PACRG: variants seen among roughly 807,000 people sequenced by gnomAD.
PACRG encodes parkin coregulated, also known as parkin coregulated gene protein.
A neutral mutation model predicts 29.7 loss-of-function variants in PACRG; 29 were observed. The observed-to-expected ratio is 0.98, with a 90% CI of 0.73 to 1.33. The LOEUF (loss-of-function observed/expected upper bound fraction) is 1.33. PACRG is among the 40% of genes most tolerant of loss of function. The pLI, the probability that PACRG is intolerant of heterozygous loss-of-function variation, is 0.00. For missense variants in PACRG, 279 were observed against 316.2 expected, an observed-to-expected ratio of 0.88 and a Z score of 0.89; for synonymous variants, 116 against 118.7, an observed-to-expected ratio of 0.98 and a Z score of 0.15.
intron 2 of PACRG, among the ~76,000 whole-genome samples, chr6:162,947,595 C>CATATATATAATCAT (rs1799253388): frequency 3.6e-5 from 1 of 27,988 alleles, no homozygotes; most frequent in Non-Finnish European, 7.1e-5. Context: ...TATATATAAT[C>CATATATATAATCAT]ATATATATAT....
At chr6:163,210,492 G>T (rs1240681568) in intron 4 of PACRG, among the ~76,000 whole-genome samples, 1 of 152,228 alleles carries the variant, frequency 6.6e-6, no homozygotes, top group Non-Finnish European at 1.5e-5. Flanking sequence ...CATGGCCTTA[G>T]AAGGTGGAGC....
chr6:163,004,309 T>C (rs1166175201), intron 2 of PACRG, among the ~76,000 whole-genome samples: 1 of 151,726 alleles, frequency 6.6e-6, no homozygotes, highest in Admixed American at 6.6e-5. Context: ...ATTAGTTTGT[T>C]TTCATACTGC....
intron 2 of PACRG, among the ~76,000 whole-genome samples, chr6:162,987,080 G>A (rs976413714): frequency 6.6e-6 from 1 of 152,000 alleles, no homozygotes; most frequent in African/African-American, 2.4e-5. Flanking sequence ...CCTTTTGGTG[G>A]TGTTATAGAG....
At chr6:162,989,288 A>C (rs1803197606) in intron 2 of PACRG, among the ~76,000 whole-genome samples, 1 of 152,206 alleles carries the variant, frequency 6.6e-6, no homozygotes, top group African/African-American at 2.4e-5. Context: ...AAACTTCCTA[A>C]GTTTGATATT....
In PACRG at chr6:162,926,606, G is replaced by A. The variant is rs559994913; in HGVS notation, c.291+112325G>A. ...GTGAGAGAACTGGCTAACCATATGCGGAAAACTGAAACTGGGTCCCTTCCT... is the reference window on the plus strand; with the variant it reads ...GTGAGAGAACTGGCTAACCATATGCAGAAAACTGAAACTGGGTCCCTTCCT... On this transcript the variant is annotated intron_variant, in intron 2 of 4. Transcript: ENST00000366888. 3.9e-4 allele frequency among the ~76,000 whole-genome samples: 60 copies of A among 151,998 alleles called. 1 individual carries two copies. The highest frequency in any genetic ancestry group is 3.4e-3 in the Middle Eastern group (1 of 294).
chr6:162,969,318 C>T (rs1801330559), intron 2 of PACRG, among the ~76,000 whole-genome samples: 1 of 152,090 alleles, frequency 6.6e-6, no homozygotes, highest in Non-Finnish European at 1.5e-5. Context: ...TGGTGAGAAC[C>T]TTTGATGTTA....
At chr6:163,100,491 G>A (rs548570550) in intron 4 of PACRG, among the ~76,000 whole-genome samples, 12 of 152,242 alleles carry the variant, frequency 7.9e-5, no homozygotes, top group Admixed American at 1.3e-4. Context: ...CACAGCCACC[G>A]CGCCCTCCAA....
intron 1 of PACRG, among the ~76,000 whole-genome samples, chr6:162,771,294 T>C (rs1783198642): frequency 1.3e-5 from 2 of 152,188 alleles, no homozygotes; most frequent in Admixed American, 6.5e-5. Context: ...ATATTTAAAC[T>C]TTTGATGATC....
intron 4 of PACRG, among the ~76,000 whole-genome samples, chr6:163,137,562 C>G (rs1210035541): frequency 2.0e-5 from 3 of 152,164 alleles, no homozygotes; most frequent in Admixed American, 2.0e-4. Flanking sequence ...CTCCATCCCC[C>G]CAAACCTCCC....
intron 1 of PACRG, among the ~76,000 whole-genome samples, chr6:162,749,202 G>T (rs1390366835): frequency 6.6e-6 from 1 of 152,140 alleles, no homozygotes; most frequent in Non-Finnish European, 1.5e-5. Context: ...GTGCATGATT[G>T]TTAAAAACAA....
In PACRG at chr6:163,002,943, T is replaced by C. The variant is rs537841362; in HGVS notation, c.292-59207T>C. ...AATTATTTTTTGAGACTCTCAAATA[T>C]TGAGAATTTTCATGTCCAAATTTCT... On this transcript the variant is annotated intron_variant, in intron 2 of 4. Coordinates refer to ENST00000366888, the MANE Select transcript of PACRG (RefSeq NM_001080379.2). Among the ~76,000 whole-genome samples, 18 of 152,302 alleles carry C rather than the reference T, an allele frequency of 1.2e-4. No homozygotes were observed. In the South Asian group the frequency reaches 1.9e-3, roughly 16 times the overall value.
intron 2 of PACRG, among the ~76,000 whole-genome samples, chr6:162,979,054 C>T (rs1407983663): frequency 1.3e-5 from 2 of 152,054 alleles, no homozygotes; most frequent in South Asian, 2.1e-4. Flanking sequence ...AACATATATT[C>T]GTTATATAGG....
chr6:163,221,682 G>C (rs1781585887), intron 4 of PACRG, among the ~76,000 whole-genome samples: 1 of 152,222 alleles, frequency 6.6e-6, no homozygotes. Flanking sequence ...GAATGCCAAA[G>C]ATGTGTTGTG....
intron 2 of PACRG, among the ~76,000 whole-genome samples, chr6:162,958,006 A>C (rs780680967): frequency 6.6e-6 from 1 of 152,224 alleles, no homozygotes; most frequent in Non-Finnish European, 1.5e-5. Context: ...CTAATGATAT[A>C]AAACATGCTT....
intron 4 of PACRG, among the ~76,000 whole-genome samples, chr6:163,302,199 T>TC (rs1209125190): frequency 6.6e-6 from 1 of 152,098 alleles, no homozygotes; most frequent in Non-Finnish European, 1.5e-5. Flanking sequence ...ATTCAAAACT[T>TC]CCCCCCACAG....
chr6:162,754,828 C>T (rs891506236), intron 1 of PACRG, among the ~76,000 whole-genome samples: 1 of 151,952 alleles, frequency 6.6e-6, no homozygotes, highest in African/African-American at 2.4e-5. Flanking sequence ...GTCATTACGT[C>T]AATTTTTTGG....
intron 4 of PACRG, among the ~76,000 whole-genome samples, chr6:163,304,642 C>T (rs548816787): frequency 6.6e-6 from 1 of 152,306 alleles, no homozygotes; most frequent in African/African-American, 2.4e-5. Flanking sequence ...GAGGGAGTAA[C>T]ATTAGCCCTG....
intron 4 of PACRG, among the ~76,000 whole-genome samples, chr6:163,132,523 G>C (rs913041313): frequency 1.3e-5 from 2 of 152,112 alleles, no homozygotes. Context: ...TGAGCAATTT[G>C]TGCGTGCCCT....
chr6:162,874,370 AGGGT>A (rs1161397287), intron 2 of PACRG, among the ~76,000 whole-genome samples: 2 of 151,970 alleles, frequency 1.3e-5, no homozygotes, highest in African/African-American at 4.8e-5. Flanking sequence ...TATATCATTT[AGGGT>A]TTTGGGCTAG....
Sources: gnomAD v4.1 joint callset for allele counts (sites outside exome capture counted in the v4.1 genomes callset) on GRCh38, gnomAD v4.1.1 for gene constraint, MANE v1.5 for transcripts, NCBI Gene and HGNC (gene_info 2026-07-23, HGNC 2026-07-21) for gene names.